The following PFKL variants were observed in gnomAD, a reference collection of about 807,000 sequenced individuals.
PFKL encodes ATP-dependent 6-phosphofructokinase, liver type.
A neutral mutation model predicts 92.1 loss-of-function variants in PFKL; 74 were observed. The observed-to-expected ratio is 0.80, with a 90% CI of 0.67 to 0.97. The LOEUF (loss-of-function observed/expected upper bound fraction) is 0.97. PFKL is among the 50% of genes least tolerant of loss of function. The probability of loss-of-function intolerance (pLI) is 0.00; values close to 1 mark genes in which losing one functional copy is unlikely to be tolerated. For synonymous variants in PFKL, 494 were observed against 456.4 expected (o/e 1.08, Z -1.05); for missense variants, 1,028 against 1,116.6 (o/e 0.92, Z 1.13).
rs1568949090 is a variant in PFKL, at chr21:44,310,987, G to A, written c.160-19G>A. On this transcript the variant is annotated intron_variant, in intron 2 of 21. Coordinates refer to ENST00000349048, the MANE Select transcript of PFKL (RefSeq NM_002626.6). Reference sequence around the variant, plus strand: ...CCATGGGGTCCCCTATCTCATGCCTGCCCCACTCTTGATTTCAGGGCTATG... The same window carrying A: ...CCATGGGGTCCCCTATCTCATGCCTACCCCACTCTTGATTTCAGGGCTATG... 4 of 1,605,752 alleles carry A rather than the reference G, an allele frequency of 2.5e-6. No individual in the cohort carries two copies. The highest frequency in any genetic ancestry group is 2.6e-6 in the Non-Finnish European group (3 of 1,173,792).
intron 15 of PFKL, 71 bp from the exon 16 acceptor site, chr21:44,323,695 C>CG: frequency 6.6e-7 from 1 of 1,511,080 alleles, no homozygotes; most frequent in Non-Finnish European, 8.9e-7. Flanking sequence ...GGGCGGCCGC[C>CG]GGCAGAGCCT....
intron 5 of PFKL, 75 bp downstream of exon 5, chr21:44,313,218 C>A (rs567877001): frequency 1.3e-6 from 2 of 1,514,664 alleles, no homozygotes; most frequent in Non-Finnish European, 1.8e-6. Flanking sequence ...CTCAGGGTGA[C>A]GGCCATCTGC....
chr21:44,319,595 C>A, intron 11 of PFKL, 180 bp downstream of exon 11: 1 of 618,418 alleles, frequency 1.6e-6, no homozygotes, highest in Non-Finnish European at 2.9e-6. Context: ...GGTGTGGTAC[C>A]ACAGGAGACC....
rs751715967 is a variant in PFKL at position 44,321,730 on chromosome 21, C to CT, written c.1194dup (p.Asn399Ter). ...GCTCATCTCCCCTTCTCTCTGAAGT[C>CT]TAACTTCTCCCTGGCCATCCTGAAT... On this transcript the variant is annotated frameshift_variant and splice_region_variant, in exon 13 of 22. Coordinates refer to ENST00000349048, the MANE Select transcript of PFKL (RefSeq NM_002626.6). LOFTEE classifies it high-confidence loss of function. 4 of 1,564,298 alleles carry CT rather than the reference C, an allele frequency of 2.6e-6. No individual in the cohort carries two copies. Among genetic ancestry groups the CT allele is most frequent in the South Asian group, 2.4e-5 (2 of 83,584 alleles).
chr21:44,314,428 T>TG (rs1436330962), intron 7 of PFKL: 1 of 197,004 alleles, frequency 5.1e-6, no homozygotes, highest in Non-Finnish European at 1.0e-5. Context: ...GCTGGGCCAG[T>TG]GGGGAGCAGG....
At chr21:44,312,875 G>A (rs1165959138) in intron 4 of PFKL, 103 bp from the exon 5 acceptor site, 27 of 1,294,064 alleles carry the variant, frequency 2.1e-5, no homozygotes, top group South Asian at 1.3e-5. Context: ...CTGCCGGGCT[G>A]CACGCCTGGG....
At position 44,325,138 on chromosome 21, in the gene PFKL, T is replaced by C; in HGVS notation, c.1878-15T>C. On this transcript the variant is annotated splice_polypyrimidine_tract_variant and intron_variant, in intron 18 of 21. Coordinates refer to ENST00000349048, the MANE Select transcript of PFKL (RefSeq NM_002626.6). ...AACTCGTTCCCGCCGACTCAGGCCCTGCTGCCCCTCTCAGGAACGAGAAGT... is the reference window on the plus strand; with the variant it reads ...AACTCGTTCCCGCCGACTCAGGCCCCGCTGCCCCTCTCAGGAACGAGAAGT... 6.4e-7 allele frequency: 1 copy of C among 1,567,378 alleles called. No homozygotes were observed. The highest frequency in any genetic ancestry group is 8.8e-7 in the Non-Finnish European group (1 of 1,138,354).
At chr21:44,312,072 T>C (rs926299128) in intron 3 of PFKL, 33 bp from the exon 4 acceptor site, 10 of 1,400,194 alleles carry the variant, frequency 7.1e-6, no homozygotes, top group African/African-American at 1.5e-5. Context: ...CCGCCTGCCA[T>C]CTCTCCTGAA....
chr21:44,312,938 G>A, intron 4 of PFKL, 40 bp from the exon 5 acceptor site: 1 of 1,605,958 alleles, frequency 6.2e-7, no homozygotes, highest in Non-Finnish European at 8.5e-7. Flanking sequence ...GGTGGGGCCA[G>A]TGGAGCCTCA....
chr21:44,326,978 C>T lies in PFKL; in HGVS notation c.*116C>T. 1 of 937,730 alleles carries T rather than the reference C, an allele frequency of 1.1e-6. No homozygotes were observed. The highest frequency in any genetic ancestry group is 1.6e-6 in the Non-Finnish European group (1 of 615,794). 58.1% of individuals were successfully genotyped at this position (937,730 alleles called of 1,614,324 possible). A position where few individuals can be genotyped will look rare whatever the true frequency, so the allele number is the denominator to read the frequency against. ...CTGCAGGCAGGTGGGGGCTGCGTCCCTGCTCAGCCCATCCCCTGCCTCTAT... is the reference window on the plus strand; with the variant it reads ...CTGCAGGCAGGTGGGGGCTGCGTCCTTGCTCAGCCCATCCCCTGCCTCTAT... On this transcript the variant is annotated 3_prime_UTR_variant, in exon 22 of 22. Transcript: ENST00000349048.
At chr21:44,323,692 C>T (rs369837089) in intron 15 of PFKL, 74 bp from the exon 16 acceptor site, 100 of 1,497,412 alleles carry the variant, frequency 6.7e-5, no homozygotes, top group East Asian at 3.9e-4. Flanking sequence ...GCTGGGCGGC[C>T]GCCGGCAGAG....
rs550375523 is a variant in PFKL, at chr21:44,300,101, C to T, written c.-5C>T. On this transcript the variant is annotated 5_prime_UTR_variant, in exon 1 of 22. Coordinates refer to ENST00000349048, the MANE Select transcript of PFKL (RefSeq NM_002626.6). The stretch of plus-strand genomic sequence containing the variant: ...GCGAGCTGGGCCCGTGTTTCGGCCG[C>T]CGCCATGGCCGCGGTGGACCTGGAG... 1.4e-3 allele frequency: 1,561 copies of T among 1,148,538 alleles called. 18 individuals are homozygous for T. In the African/African-American group the frequency reaches 0.021, roughly 15 times the overall value. The allele number at this position is 1,148,538 out of a possible 1,614,324, so 71.1% of individuals were successfully genotyped here.
At chr21:44,313,571 C>A in intron 5 of PFKL, 67 bp from the exon 6 acceptor site, 1 of 1,510,748 alleles carries the variant, frequency 6.6e-7, no homozygotes, top group Non-Finnish European at 9.1e-7. Flanking sequence ...TTGAGCACCC[C>A]GCAGGGAATC....
chr21:44,320,406 C>A (rs1602044483), intron 12 of PFKL: 1 of 422,682 alleles, frequency 2.4e-6, no homozygotes, highest in Non-Finnish European at 4.3e-6. Context: ...AGGCCACAGG[C>A]TTAACTCAGG....
At chr21:44,302,553 C>T (rs889393480) in intron 1 of PFKL, among the ~76,000 whole-genome samples, 1 of 152,208 alleles carries the variant, frequency 6.6e-6, no homozygotes, top group African/African-American at 2.4e-5. Context: ...GAAAGGCTGA[C>T]CCTGGCCGAG....
At position 44,325,991 on chromosome 21, in the gene PFKL, T is replaced by C. The variant is rs1372322035; in HGVS notation, c.2020T>C (p.Tyr674His). 1 of 1,613,766 alleles carries C rather than the reference T, an allele frequency of 6.2e-7. No individual in the cohort carries two copies. The highest frequency in any genetic ancestry group is 8.5e-7 in the Non-Finnish European group (1 of 1,179,920). Residue 674 changes from tyrosine to histidine, a missense_variant, in exon 20 of 22, where the codon TAT becomes CAT. Physicochemically the swap from Tyr to His is moderately conservative, Grantham distance 83. Transcript: ENST00000349048. The stretch of plus-strand genomic sequence containing the variant: ...CGCTCCAACCCCCTTTGACCGGAAC[T>C]ATGGGACCAAGCTGGGGGTGAAGGC... ...GGAPTPFDRN[Y>H]GTKLGVKAML...
chr21:44,312,316 T>G (rs1487070501), intron 4 of PFKL, 22 bp downstream of exon 4: 4 of 1,558,102 alleles, frequency 2.6e-6, no homozygotes, highest in Non-Finnish European at 3.5e-6. Context: ...CCCGGCGCAC[T>G]GTAGGCCCTG....
At chr21:44,303,684 G>A (rs925500698) in intron 1 of PFKL, among the ~76,000 whole-genome samples, 16 of 152,142 alleles carry the variant, frequency 1.1e-4, no homozygotes, top group African/African-American at 3.6e-4. Flanking sequence ...TCAGGCTCAT[G>A]CTTACATCCT....
Position 44,326,619 on chromosome 21 carries a change from C to G in PFKL, c.2196-96C>G. 5 of 1,317,446 alleles carry G rather than the reference C, an allele frequency of 3.8e-6. No homozygotes were observed. In the South Asian group the frequency reaches 6.9e-5, roughly 18 times the overall value. The allele number at this position is 1,317,446 out of a possible 1,614,324, so 81.6% of individuals were successfully genotyped here. On this transcript the variant is annotated intron_variant, in intron 21 of 21. Coordinates refer to ENST00000349048, the MANE Select transcript of PFKL (RefSeq NM_002626.6). Reference sequence around the variant, plus strand: ...GTTCAGACAGAGGGGCATGCACAGGCTGCAGGGTCGGGGGGGGTGGGGGGG... The same window carrying G: ...GTTCAGACAGAGGGGCATGCACAGGGTGCAGGGTCGGGGGGGGTGGGGGGG...
Sources: gnomAD v4.1 joint callset for allele counts (sites outside exome capture counted in the v4.1 genomes callset) on GRCh38, gnomAD v4.1.1 for gene constraint, MANE v1.5 for transcripts, NCBI Gene and HGNC (gene_info 2026-07-23, HGNC 2026-07-21) for gene names.